The following EBF1 variants were observed in gnomAD, a reference collection of about 807,000 sequenced individuals.
The protein encoded by EBF1 is EBF transcription factor 1.
A neutral mutation model predicts 68.4 loss-of-function variants in EBF1; 10 were observed. That is an observed-to-expected ratio of 0.15 (90% confidence interval 0.09 to 0.25). EBF1 has a LOEUF of 0.25. Among genes scored for constraint, EBF1 ranks in the 10% least tolerant of loss-of-function variants. The probability of loss-of-function intolerance (pLI) is 1.00; values close to 1 mark genes in which losing one functional copy is unlikely to be tolerated. For missense variants in EBF1, 509 were observed against 794.4 expected, an observed-to-expected ratio of 0.64 and a Z score of 4.32; for synonymous variants, 298 against 299.8, an observed-to-expected ratio of 0.99 and a Z score of 0.06.
At position 158,714,076 on chromosome 5, in the gene EBF1, C is replaced by T. The variant is rs774806946; in HGVS notation, c.1191+41G>A. ...ATGAGGAATCTGAGATCTTTAATTG[C>T]ATGTGGCAGTCCACACAGGCTAGAC... On this transcript the variant is annotated intron_variant, in intron 12 of 15. Transcript: ENST00000313708. The T allele has an allele frequency of 3.1e-6, 5 of 1,601,028 alleles. No homozygotes were observed. The South Asian group carries it at 3.3e-5, about 11-fold the overall frequency.
chr5:159,072,710 G>T (rs1035687546), intron 6 of EBF1, among the ~76,000 whole-genome samples: 1 of 152,140 alleles, frequency 6.6e-6, no homozygotes, highest in African/African-American at 2.4e-5. Context: ...TTTGGAATGC[G>T]ACTTTGCATA....
At chr5:158,889,052 T>G (rs568988482) in intron 6 of EBF1, among the ~76,000 whole-genome samples, 4 of 152,322 alleles carry the variant, frequency 2.6e-5, no homozygotes, top group Admixed American at 2.6e-4. Context: ...TTTCCCCACA[T>G]ATGTTCCCCA....
intron 5 of EBF1, chr5:159,073,690 T>C: frequency 1.9e-6 from 1 of 531,200 alleles, no homozygotes; most frequent in Non-Finnish European, 3.4e-6. Flanking sequence ...GGAGAGGGGC[T>C]CTCCCAGAGC....
intron 7 of EBF1, among the ~76,000 whole-genome samples, chr5:158,833,751 G>A (rs1788121930): frequency 6.6e-6 from 1 of 152,200 alleles, no homozygotes; most frequent in Non-Finnish European, 1.5e-5. Context: ...CACCTGCCTT[G>A]TACCATTATG....
At chr5:159,029,008 A>G (rs1414756978) in intron 6 of EBF1, among the ~76,000 whole-genome samples, 1 of 152,182 alleles carries the variant, frequency 6.6e-6, no homozygotes, top group Non-Finnish European at 1.5e-5. Flanking sequence ...ACCCTAAAGT[A>G]TATATATTAT....
At position 159,050,180 on chromosome 5, in the gene EBF1, C is replaced by T. The variant is rs906608702; in HGVS notation, c.554+23216G>A. On this transcript the variant is annotated intron_variant, in intron 6 of 15. Transcript: ENST00000313708. ...TCTCTCTCTCTCTCTCTCTCTCTCT[C>T]TTCTCTCTTTTCTCTCTCTCTCCTC... 2.6e-3 allele frequency among the ~76,000 whole-genome samples: 359 copies of T among 136,406 alleles called. 1 individual carries two copies. The highest frequency in any genetic ancestry group is 7.4e-3 in the African/African-American group (261 of 35,358). The allele number at this position is 136,406 out of a possible 152,430, so 89.5% of individuals were successfully genotyped here.
At chr5:158,946,356 G>C (rs553072442) in intron 6 of EBF1, among the ~76,000 whole-genome samples, 2 of 152,262 alleles carry the variant, frequency 1.3e-5, no homozygotes, top group East Asian at 3.9e-4. Context: ...GTGACCTTCA[G>C]ATGGAGTTTT....
chr5:159,055,870 G>A (rs936575722), intron 6 of EBF1, among the ~76,000 whole-genome samples: 3 of 152,160 alleles, frequency 2.0e-5, no homozygotes, highest in African/African-American at 7.2e-5. Flanking sequence ...ATCTGGGATT[G>A]GGGGTACAAC....
At chr5:158,712,513 G>A (rs1396895173) in intron 13 of EBF1, among the ~76,000 whole-genome samples, 180 bp from the exon 14 acceptor site, 1 of 152,106 alleles carries the variant, frequency 6.6e-6, no homozygotes, top group African/African-American at 2.4e-5. Context: ...TGGGAAGCGA[G>A]CAAAAGACAC....
chr5:158,717,559 C>G (rs1050768300), intron 11 of EBF1, among the ~76,000 whole-genome samples: 2 of 151,946 alleles, frequency 1.3e-5, no homozygotes, highest in Non-Finnish European at 1.5e-5. Flanking sequence ...ATGTTTAAAA[C>G]GTCTCCCTGC....
At chr5:159,012,428 A>G (rs762749370) in intron 6 of EBF1, among the ~76,000 whole-genome samples, 4 of 152,106 alleles carry the variant, frequency 2.6e-5, no homozygotes, top group African/African-American at 4.8e-5. Context: ...TCCAAAATTC[A>G]TATGTTGAAG....
chr5:158,960,385 A>C (rs1561634375), intron 6 of EBF1, among the ~76,000 whole-genome samples: 1 of 152,206 alleles, frequency 6.6e-6, no homozygotes, highest in Non-Finnish European at 1.5e-5. Context: ...TGAAATCAAC[A>C]AAGAACTAAA....
At chr5:158,825,768 T>C (rs1453723236) in intron 7 of EBF1, among the ~76,000 whole-genome samples, 1 of 152,182 alleles carries the variant, frequency 6.6e-6, no homozygotes, top group Non-Finnish European at 1.5e-5. Flanking sequence ...CTTTATACTT[T>C]TAATTTCTAG....
intron 6 of EBF1, among the ~76,000 whole-genome samples, chr5:159,002,905 G>T (rs1429109972): frequency 6.6e-6 from 1 of 152,228 alleles, no homozygotes; most frequent in Non-Finnish European, 1.5e-5. Context: ...CTAATTTGCA[G>T]CTGTGTAGGA....
chr5:159,080,982 T>G (rs879287533), intron 5 of EBF1, among the ~76,000 whole-genome samples: 3 of 152,182 alleles, frequency 2.0e-5, no homozygotes, highest in African/African-American at 4.8e-5. Flanking sequence ...AGTACATTTT[T>G]TTGTTGTTGT....
intron 6 of EBF1, among the ~76,000 whole-genome samples, chr5:158,950,747 G>A (rs1815782691): frequency 6.6e-6 from 1 of 152,200 alleles, no homozygotes; most frequent in Non-Finnish European, 1.5e-5. Flanking sequence ...CCAGCATGTG[G>A]AGAGTGTATT....
At chr5:158,998,909 T>C (rs531003587) in intron 6 of EBF1, among the ~76,000 whole-genome samples, 1 of 152,260 alleles carries the variant, frequency 6.6e-6, no homozygotes, top group East Asian at 1.9e-4. Flanking sequence ...ATATTATGTA[T>C]GCTTTTCACC....
intron 7 of EBF1, among the ~76,000 whole-genome samples, chr5:158,839,366 T>TTTTG (rs551193774): frequency 5.3e-5 from 8 of 152,268 alleles, no homozygotes; most frequent in Admixed American, 4.6e-4. Context: ...CTTTACTGTT[T>TTTTG]TTTGTTTGTT....
intron 11 of EBF1, among the ~76,000 whole-genome samples, chr5:158,715,444 C>A (rs1561718796): frequency 6.6e-6 from 1 of 152,142 alleles, no homozygotes; most frequent in East Asian, 1.9e-4. Flanking sequence ...TTTAAATTCT[C>A]TATAATATAA....
Sources: gnomAD v4.1 joint callset for allele counts (sites outside exome capture counted in the v4.1 genomes callset) on GRCh38, gnomAD v4.1.1 for gene constraint, MANE v1.5 for transcripts, NCBI Gene and HGNC (gene_info 2026-07-23, HGNC 2026-07-21) for gene names.